The following WWC2 variants were observed in gnomAD, a reference collection of about 807,000 sequenced individuals.
The protein encoded by WWC2 is protein WWC2.
WWC2 carries 101 observed loss-of-function variants against 138.5 expected under a neutral mutation model. That is an observed-to-expected ratio of 0.73 (90% CI 0.62 to 0.86). The LOEUF (loss-of-function observed/expected upper bound fraction) is 0.86. WWC2 is among the 40% of genes least tolerant of loss of function. The pLI is 0.00. For synonymous variants in WWC2, 558 were observed against 538.4 expected, an observed-to-expected ratio of 1.04 and a Z score of -0.50; for missense variants, 1,420 against 1,419.4, an observed-to-expected ratio of 1.00 and a Z score of -0.01.
At chr4:183,284,586 T>G (rs542861520) in intron 19 of WWC2, among the ~76,000 whole-genome samples, 196 bp downstream of exon 19, 2 of 152,236 alleles carry the variant, frequency 1.3e-5, no homozygotes, top group Admixed American at 6.5e-5. Context: ...CCATCAAATT[T>G]AATGCCTCCT....
At chr4:183,208,232 A>G (rs1025413623) in intron 3 of WWC2, 76 bp downstream of exon 3, 32 of 1,471,798 alleles carry the variant, frequency 2.2e-5, no homozygotes, top group Middle Eastern at 2.1e-4. Flanking sequence ...TTACATTTCT[A>G]TGGAGTTTAA....
At chr4:183,188,989 C>T (rs769392614) in intron 1 of WWC2, among the ~76,000 whole-genome samples, 3 of 152,134 alleles carry the variant, frequency 2.0e-5, no homozygotes, top group African/African-American at 4.8e-5. Context: ...AATTTCCTCA[C>T]ACACAGGGAA....
chr4:183,274,991 T>C (rs1282902535), intron 16 of WWC2, among the ~76,000 whole-genome samples: 1 of 152,190 alleles, frequency 6.6e-6, no homozygotes, highest in African/African-American at 2.4e-5. Flanking sequence ...TACAGTCACC[T>C]TACTGGGCAT....
In WWC2 at chr4:183,319,869, CG is replaced by C. The variant is rs1739579338; in HGVS notation, c.*4141del. On this transcript the variant is annotated 3_prime_UTR_variant, in exon 23 of 23. Coordinates refer to ENST00000403733, the MANE Select transcript of WWC2 (RefSeq NM_024949.6). ...CAGAATTCCTCCCAGGATCAGCAGT[CG>C]CCTCTTGAGATCTCTCTGACTCTCT... 6.2e-7 allele frequency: 1 copy of C among 1,613,832 alleles called. No homozygotes were observed. The highest frequency in any genetic ancestry group is 1.1e-5 in the South Asian group (1 of 91,070).
intron 1 of WWC2, among the ~76,000 whole-genome samples, chr4:183,105,215 C>T (rs995148663): frequency 6.6e-6 from 1 of 152,142 alleles, no homozygotes; most frequent in Non-Finnish European, 1.5e-5. Flanking sequence ...TTGTTTTGAG[C>T]TGCAAATCCC....
chr4:183,261,477 A>G lies in WWC2; in HGVS notation c.1854A>G (p.Ser618=), dbSNP rs181454250. The change falls in exon 11 of 23, where the codon TCA becomes TCG. Residue 618 remains serine, a synonymous_variant. Transcript: ENST00000403733. ...SDSGGASQSL[S]EDKDLNECAR... is the part of the protein sequence containing the mutation. ...CAGGAGGAGCCTCCCAGTCTCTTTC[A>G]GAGGATAAAGACCTTAATGAATGTG... 189 of 1,612,872 alleles carry G rather than the reference A, an allele frequency of 1.2e-4. 1 individual carries two copies. The East Asian group carries it at 3.4e-3, about 29-fold the overall frequency.
intron 4 of WWC2, among the ~76,000 whole-genome samples, chr4:183,235,402 G>A (rs571696052): frequency 1.3e-5 from 2 of 152,256 alleles, no homozygotes; most frequent in African/African-American, 4.8e-5. Flanking sequence ...ATTTTTAAGT[G>A]TATAATATAT....
chr4:183,178,417 TAAATTTAAA>T (rs1262888929), intron 1 of WWC2, among the ~76,000 whole-genome samples: 1 of 148,634 alleles, frequency 6.7e-6, no homozygotes, highest in Admixed American at 6.7e-5. Context: ...AATAAATAAA[TAAATTTAAA>T]AAATTAGCCA....
intron 4 of WWC2, among the ~76,000 whole-genome samples, chr4:183,209,863 C>A (rs1735548396): frequency 6.6e-6 from 1 of 152,128 alleles, no homozygotes; most frequent in Non-Finnish European, 1.5e-5. Flanking sequence ...GTAACCAATA[C>A]CCCCTGGTCA....
chr4:183,289,585 G>A lies in WWC2; in HGVS notation c.3334G>A (p.Val1112Met), dbSNP rs752820319. The part of the protein sequence containing the change: ...AQGETDLPPG[V>M]LEDERFQRLL... The stretch of plus-strand genomic sequence containing the variant: ...GGGAGAGACTGACCTTCCACCAGGC[G>A]TGCTGGAGGATGAGAGGTTCCAGAG... The change falls in exon 21 of 23, where the codon GTG becomes ATG. Residue 1112 changes from valine to methionine, a missense_variant. By Grantham distance (21) the Val-to-Met change is conservative. Transcript: ENST00000403733. 43 of 1,613,804 alleles carry A rather than the reference G, an allele frequency of 2.7e-5. No individual in the cohort carries two copies. The highest frequency in any genetic ancestry group is 6.7e-5 in the Admixed American group (4 of 60,002).
At chr4:183,199,113 C>T (rs926669441) in intron 2 of WWC2, among the ~76,000 whole-genome samples, 18 of 151,968 alleles carry the variant, frequency 1.2e-4, no homozygotes, top group East Asian at 3.9e-4. Context: ...GAGAAAAAGA[C>T]GGTGGGGAAG....
rs1330607062 is a variant in WWC2 at position 183,099,618 on chromosome 4, G to C, written c.127G>C (p.Asp43His). 1.5e-6 allele frequency: 2 copies of C among 1,355,958 alleles called. No individual in the cohort carries two copies. Among genetic ancestry groups the C allele is most frequent in the South Asian group, 3.5e-5 (2 of 57,784 alleles). The allele number at this position is 1,355,958 out of a possible 1,614,324, so 84.0% of individuals were successfully genotyped here. ...TRRTSWIDPR[D>H]RLTKPLSFAD... ...GAGGACCAGCTGGATCGACCCCCGGGACAGGTGGGCGCCGGCCGCGGGGGC... is the reference window on the plus strand; with the variant it reads ...GAGGACCAGCTGGATCGACCCCCGGCACAGGTGGGCGCCGGCCGCGGGGGC... Residue 43 changes from aspartate to histidine, a missense_variant, in exon 1 of 23, where the codon GAC (aspartate) becomes CAC (histidine). Asp to His is a moderately conservative substitution (Grantham distance 81). Transcript: ENST00000403733.
In WWC2 at chr4:183,160,110, C is replaced by T. The variant is rs149133782; in HGVS notation, c.132-33489C>T. The stretch of plus-strand genomic sequence containing the variant: ...CGTAAAGTACAGATTTTGCTTTTGG[C>T]CCTTCAGTCCACAAATCCTGTATAA... On this transcript the variant is annotated intron_variant, in intron 1 of 22. Transcript: ENST00000403733. Among the ~76,000 whole-genome samples, 4 of 152,292 alleles carry T rather than the reference C, an allele frequency of 2.6e-5. No individual in the cohort carries two copies. In the East Asian group the frequency reaches 7.7e-4, roughly 29 times the overall value.
intron 9 of WWC2, among the ~76,000 whole-genome samples, chr4:183,257,340 A>G (rs933809742): frequency 6.6e-6 from 1 of 152,038 alleles, no homozygotes; most frequent in Non-Finnish European, 1.5e-5. Context: ...ATGACATGAA[A>G]TTTTCCCTAG....
intron 17 of WWC2, chr4:183,281,235 A>G (rs568194642): frequency 4.2e-5 from 15 of 354,352 alleles, no homozygotes; most frequent in Admixed American, 2.6e-4. Flanking sequence ...AAGTGACTCT[A>G]TTTTTCTTTT....
chr4:183,106,420 A>C (rs998157818), intron 1 of WWC2, among the ~76,000 whole-genome samples: 2 of 152,098 alleles, frequency 1.3e-5, no homozygotes, highest in Non-Finnish European at 2.9e-5. Flanking sequence ...GATTAAAAAA[A>C]TTCCTCAGCA....
At chr4:183,287,034 G>A (rs1409631500) in intron 20 of WWC2, among the ~76,000 whole-genome samples, 1 of 152,176 alleles carries the variant, frequency 6.6e-6, no homozygotes, top group Admixed American at 6.5e-5. Flanking sequence ...AGGAGTGTCA[G>A]GTTCTGCCAG....
At chr4:183,193,578 G>C in intron 1 of WWC2, 21 bp from the exon 2 acceptor site, 2 of 1,608,986 alleles carry the variant, frequency 1.2e-6, no homozygotes, top group South Asian at 2.2e-5. Flanking sequence ...TCACTGGTGT[G>C]TCAATTCTGG....
chr4:183,269,270 G>A, intron 15 of WWC2, 107 bp downstream of exon 15: 1 of 1,087,296 alleles, frequency 9.2e-7, no homozygotes, highest in Middle Eastern at 2.0e-4. Flanking sequence ...CTACAGACCT[G>A]CCCAACATCT....
Sources: allele counts gnomAD v4.1 joint callset (sites outside exome capture counted in the v4.1 genomes callset), GRCh38; gene constraint gnomAD v4.1.1; transcripts MANE v1.5; gene names NCBI Gene and HGNC (gene_info 2026-07-23, HGNC 2026-07-21).